CHRNA9: variants seen among roughly 807,000 people sequenced by gnomAD.
CHRNA9 encodes neuronal acetylcholine receptor subunit alpha-9.
Under a neutral mutation model 36.8 loss-of-function variants are expected in CHRNA9, and 24 were observed. That is an observed-to-expected ratio of 0.65 (90% confidence interval 0.47 to 0.92). The LOEUF (loss-of-function observed/expected upper bound fraction) is 0.92. Ranked by LOEUF, CHRNA9 falls within the 40% of genes least tolerant of loss-of-function variation. CHRNA9 has a pLI of 0.00. For missense variants in CHRNA9, 610 were observed against 601.2 expected (o/e 1.01, Z -0.15); for synonymous variants, 231 against 231.8 (o/e 1.00, Z 0.03).
At chr4:40,335,650 C>G in intron 1 of CHRNA9, 119 bp downstream of exon 1, 1 of 1,008,010 alleles carries the variant, frequency 9.9e-7, no homozygotes, top group Non-Finnish European at 1.6e-6. Context: ...GTGTTCTGTG[C>G]TTCCTACTGA....
chr4:40,347,349 TCAGCTA>T (rs2109685479), intron 3 of CHRNA9, among the ~76,000 whole-genome samples: 1 of 152,302 alleles, frequency 6.6e-6, no homozygotes, highest in African/African-American at 2.4e-5. Flanking sequence ...ATGTAAAGAC[TCAGCTA>T]CAGAGATGTC....
chr4:40,338,475 C>T (rs1159741269), intron 3 of CHRNA9, among the ~76,000 whole-genome samples: 1 of 152,154 alleles, frequency 6.6e-6, no homozygotes, highest in Non-Finnish European at 1.5e-5. Context: ...GAGCTTCTCT[C>T]TGTTTTTATT....
rs77785242 is a variant in CHRNA9 at position 40,350,556 on chromosome 4, G to A, written c.898+1142G>A. Among the ~76,000 whole-genome samples, 976 of 152,204 alleles carry A rather than the reference G, an allele frequency of 6.4e-3. 7 individuals are homozygous for A. Among genetic ancestry groups the A allele is most frequent in the Non-Finnish European group, 8.8e-3 (598 of 68,014 alleles). On this transcript the variant is annotated intron_variant, in intron 4 of 4. Coordinates refer to ENST00000310169, the MANE Select transcript of CHRNA9 (RefSeq NM_017581.4). ...CAAGGAGAAATTTTAGAACACCAACGAACTTAGAGTCCAATATCAGGAGAT... is the reference window on the plus strand; with the variant it reads ...CAAGGAGAAATTTTAGAACACCAACAAACTTAGAGTCCAATATCAGGAGAT...
chr4:40,336,516 A>G (rs1337835682), intron 2 of CHRNA9, among the ~76,000 whole-genome samples: 2 of 151,962 alleles, frequency 1.3e-5, no homozygotes, highest in Non-Finnish European at 2.9e-5. Context: ...TCTTGCTGTC[A>G]CCCAGGCTGG....
At chr4:40,341,644 C>G (rs894412262) in intron 3 of CHRNA9, among the ~76,000 whole-genome samples, 3 of 152,210 alleles carry the variant, frequency 2.0e-5, no homozygotes, top group Non-Finnish European at 4.4e-5. Flanking sequence ...GATTTTGTAA[C>G]TGGTGGTCTT....
chr4:40,349,525 A>C, intron 4 of CHRNA9, 111 bp downstream of exon 4: 1 of 1,044,514 alleles, frequency 9.6e-7, no homozygotes, highest in African/African-American at 1.6e-5. Flanking sequence ...ATTTCGACTC[A>C]ATACAGACTG....
chr4:40,354,283 G>A lies in CHRNA9; in HGVS notation c.1203G>A (p.Lys401=), dbSNP rs1237231328. 1.9e-6 allele frequency: 3 copies of A among 1,614,186 alleles called. No homozygotes were observed. The highest frequency in any genetic ancestry group is 2.5e-6 in the Non-Finnish European group (3 of 1,180,018). ...SRKKDMNKRL[K]NDLGCQGKNP... is the part of the protein sequence containing the mutation. ...AGAAGGACATGAACAAACGCTTAAA[G>A]AACGACCTGGGCTGCCAGGGTAAGA... The change falls in exon 5 of 5, where the codon AAG becomes AAA. Residue 401 remains lysine (K), a synonymous_variant. Transcript: ENST00000310169.
Position 40,354,135 on chromosome 4 carries a change from A to G in CHRNA9, c.1055A>G (p.Tyr352Cys), listed in dbSNP as rs1712881322. The G allele has an allele frequency of 1.2e-6, 2 of 1,614,156 alleles. No individual in the cohort carries two copies. The highest frequency in any genetic ancestry group is 1.7e-6 in the Non-Finnish European group (2 of 1,180,014). Residue 352 changes from tyrosine (Y) to cysteine (C), a missense_variant, in exon 5 of 5, where the codon TAT becomes TGT. Transcript: ENST00000310169. ...TACATGTCCAGGGTCTTGTTTGTCT[A>G]TGATGTGGGTGAAAGCTGCCTCAGC... is the stretch of plus-strand genomic sequence containing the variant. Reference protein sequence around the residue: ...LKYMSRVLFVYDVGESCLSPH... With the variant: ...LKYMSRVLFVCDVGESCLSPH...
At chr4:40,340,895 A>C (rs73146113) in intron 3 of CHRNA9, among the ~76,000 whole-genome samples, 1 of 150,980 alleles carries the variant, frequency 6.6e-6, no homozygotes, top group African/African-American at 2.4e-5. Flanking sequence ...AAAGTAAGGT[A>C]GAAAAAAGAG....
intron 3 of CHRNA9, among the ~76,000 whole-genome samples, chr4:40,343,082 G>A (rs781362952): frequency 1.3e-5 from 2 of 152,168 alleles, no homozygotes; most frequent in African/African-American, 2.4e-5. Flanking sequence ...AACACTGGGC[G>A]ACTCTCCCTG....
Position 40,353,480 on chromosome 4 carries a change from G to A in CHRNA9, c.899-499G>A, listed in dbSNP as rs62302179. On this transcript the variant is annotated intron_variant, in intron 4 of 4. Transcript: ENST00000310169. ...CACTCCAGTGTGGGTGACAGAGCGA[G>A]ACTCTGTCTCAAAAAAAAAAAAAAA... Among the ~76,000 whole-genome samples the A allele has an allele frequency of 3.6e-3, 525 of 147,494 alleles. 2 individuals carry two copies. The highest frequency in any genetic ancestry group is 6.3e-3 in the Non-Finnish European group (422 of 67,164).
intron 3 of CHRNA9, among the ~76,000 whole-genome samples, chr4:40,338,897 A>G (rs530570622): frequency 3.1e-3 from 477 of 151,662 alleles, no homozygotes; most frequent in African/African-American, 0.011. Flanking sequence ...TCTCTCACAC[A>G]CACACACACA....
At chr4:40,348,835 C>A in intron 3 of CHRNA9, 47 bp from the exon 4 acceptor site, 1 of 1,579,276 alleles carries the variant, frequency 6.3e-7, no homozygotes, top group Non-Finnish European at 8.6e-7. Context: ...AGGAAGGTGG[C>A]AAGTTCTCCT....
chr4:40,349,490 CTTT>C, intron 4 of CHRNA9, 76 bp downstream of exon 4: 1 of 1,410,622 alleles, frequency 7.1e-7, no homozygotes, highest in Admixed American at 2.2e-5. Flanking sequence ...GTGTGTGTGC[CTTT>C]AAACTTGAAA....
At chr4:40,336,713 C>T (rs956565935) in intron 2 of CHRNA9, among the ~76,000 whole-genome samples, 62 of 152,080 alleles carry the variant, frequency 4.1e-4, no homozygotes, top group Admixed American at 1.7e-3. Context: ...ATCTCCTGAC[C>T]TCATGATTCG....
In CHRNA9 at chr4:40,354,647, A is replaced by G; in HGVS notation, c.*127A>G. 1.2e-6 allele frequency: 1 copy of G among 808,678 alleles called. No individual in the cohort carries two copies. Among genetic ancestry groups the G allele is most frequent in the Non-Finnish European group, 2.0e-6 (1 of 507,814 alleles). 50.1% of individuals were successfully genotyped at this position (808,678 alleles called of 1,614,324 possible). On this transcript the variant is annotated 3_prime_UTR_variant, in exon 5 of 5. Transcript: ENST00000310169. ...TATGTTGTCTGTGCTTTTTATTTTT[A>G]GCTTCAAATGAATGTCGAAGCTATC...
chr4:40,342,496 T>A (rs572226360), intron 3 of CHRNA9, among the ~76,000 whole-genome samples: 1 of 152,148 alleles, frequency 6.6e-6, no homozygotes, highest in East Asian at 1.9e-4. Flanking sequence ...AACTTAGAAT[T>A]AGTAGTTAAA....
chr4:40,354,505 A>C lies in CHRNA9; in HGVS notation c.1425A>C (p.Ile475=). Residue 475 remains isoleucine, a synonymous_variant, in exon 5 of 5, where the codon ATA becomes ATC. Transcript: ENST00000310169. ...IMVFVMTILI[I]ARAD ...TGTTTGTGATGACTATTTTGATCAT[A>C]GCAAGAGCGGATTAGTCACAGATAT... is the stretch of plus-strand genomic sequence containing the variant. 6.2e-7 allele frequency: 1 copy of C among 1,609,710 alleles called. No homozygotes were observed. The highest frequency in any genetic ancestry group is 8.5e-7 in the Non-Finnish European group (1 of 1,176,566).
At chr4:40,342,777 G>GA (rs1172770749) in intron 3 of CHRNA9, among the ~76,000 whole-genome samples, 1 of 152,248 alleles carries the variant, frequency 6.6e-6, no homozygotes, top group East Asian at 1.9e-4. Context: ...GGGCCAGGGA[G>GA]AAAAGGAGTT....
Sources: allele counts gnomAD v4.1 joint callset (sites outside exome capture counted in the v4.1 genomes callset), GRCh38; gene constraint gnomAD v4.1.1; transcripts MANE v1.5; gene names NCBI Gene and HGNC (gene_info 2026-07-23, HGNC 2026-07-21).